The following SH3RF3 variants were observed in gnomAD, a reference collection of about 807,000 sequenced individuals.
The protein encoded by SH3RF3 is SH3 domain containing ring finger 3.
In SH3RF3, 29 loss-of-function variants were observed where a neutral mutation model predicts 66.3. The ratio of observed to expected loss-of-function variants is 0.44; its 90% CI spans 0.33 to 0.60. SH3RF3 has a LOEUF of 0.60. SH3RF3 is among the 20% of genes least tolerant of loss of function. SH3RF3 has a pLI of 0.04. For missense variants in SH3RF3, 1,194 were observed against 1,190.9 expected (o/e 1.00, Z -0.04); for synonymous variants, 583 against 532.0 (o/e 1.10, Z -1.32).
chr2:109,242,841 G>A (rs1679819392), intron 1 of SH3RF3, among the ~76,000 whole-genome samples: 1 of 152,168 alleles, frequency 6.6e-6, no homozygotes, highest in Non-Finnish European at 1.5e-5. Flanking sequence ...GAGCAATAGG[G>A]CCTTTTTCTT....
chr2:109,302,168 C>T (rs1005228545), intron 1 of SH3RF3, among the ~76,000 whole-genome samples: 5 of 152,220 alleles, frequency 3.3e-5, no homozygotes, highest in Non-Finnish European at 7.3e-5. Context: ...ATCTGCAAAG[C>T]TGGCGTTGGT....
intron 9 of SH3RF3, among the ~76,000 whole-genome samples, chr2:109,494,016 C>T (rs1328708815): frequency 6.6e-6 from 1 of 152,136 alleles, no homozygotes; most frequent in East Asian, 1.9e-4. Context: ...GGGTCCTGGC[C>T]CTTGTCTGGA....
intron 7 of SH3RF3, among the ~76,000 whole-genome samples, chr2:109,447,929 G>A (rs764752906): frequency 2.0e-5 from 3 of 152,176 alleles, no homozygotes; most frequent in Admixed American, 6.5e-5. Context: ...CCGGTGCTTC[G>A]ACATGCAGGC....
rs761242689 is a variant in SH3RF3, at chr2:109,419,656, T to C, written c.1403+14T>C. On this transcript the variant is annotated intron_variant, in intron 5 of 9. Transcript: ENST00000309415. ...GCCCCTCAACGTGTGAGCTGCCCTT[T>C]GTGTCTGTCGGGGTCCTGTGCCTGC... 4 of 1,560,382 alleles carry C rather than the reference T, an allele frequency of 2.6e-6. No individual in the cohort carries two copies. In the African/African-American group the frequency reaches 4.1e-5, roughly 16 times the overall value.
intron 4 of SH3RF3, among the ~76,000 whole-genome samples, chr2:109,405,331 G>A (rs939772172): frequency 6.6e-5 from 10 of 152,014 alleles, no homozygotes; most frequent in East Asian, 3.9e-4. Flanking sequence ...AACACTCTTC[G>A]TCTTCGCTAA....
At chr2:109,469,560 T>C (rs1678448711) in intron 8 of SH3RF3, among the ~76,000 whole-genome samples, 1 of 152,072 alleles carries the variant, frequency 6.6e-6, no homozygotes, top group South Asian at 2.1e-4. Flanking sequence ...TAACAGTTAA[T>C]GTGTCCTCTG....
intron 1 of SH3RF3, among the ~76,000 whole-genome samples, chr2:109,218,277 T>C (rs148987357): frequency 6.6e-6 from 1 of 152,342 alleles, no homozygotes; most frequent in Non-Finnish European, 1.5e-5. Flanking sequence ...TTTGAAACTT[T>C]CTTGGCTCTC....
chr2:109,403,813 T>C (rs1676378109), intron 4 of SH3RF3, among the ~76,000 whole-genome samples: 1 of 152,154 alleles, frequency 6.6e-6, no homozygotes, highest in Non-Finnish European at 1.5e-5. Flanking sequence ...ACCTGCAACC[T>C]TGGGTAAGCT....
At chr2:109,230,933 A>G (rs572664186) in intron 1 of SH3RF3, among the ~76,000 whole-genome samples, 5 of 152,356 alleles carry the variant, frequency 3.3e-5, no homozygotes, top group African/African-American at 1.2e-4. Flanking sequence ...TCAAACAGGA[A>G]GGCAGGATAG....
At chr2:109,182,201 T>A (rs1238781313) in intron 1 of SH3RF3, among the ~76,000 whole-genome samples, 1 of 150,970 alleles carries the variant, frequency 6.6e-6, no homozygotes, top group Non-Finnish European at 1.5e-5. Flanking sequence ...GACTCATGAT[T>A]TTGAAGGCTG....
chr2:109,154,342 G>C (rs373189781), intron 1 of SH3RF3, among the ~76,000 whole-genome samples: 2 of 152,172 alleles, frequency 1.3e-5, no homozygotes, highest in Non-Finnish European at 2.9e-5. Context: ...TATCATGGAG[G>C]GGGTGGTTTT....
intron 1 of SH3RF3, among the ~76,000 whole-genome samples, chr2:109,188,723 G>C (rs373855129): frequency 6.6e-6 from 1 of 152,150 alleles, no homozygotes; most frequent in Admixed American, 6.5e-5. Flanking sequence ...GGTGCTTGCC[G>C]TCAGTGTGTG....
At chr2:109,280,767 G>A (rs928632552) in intron 1 of SH3RF3, among the ~76,000 whole-genome samples, 4 of 152,216 alleles carry the variant, frequency 2.6e-5, no homozygotes, top group African/African-American at 9.6e-5. Flanking sequence ...TGAGCCTCGA[G>A]GGCGCTGCAG....
intron 1 of SH3RF3, among the ~76,000 whole-genome samples, chr2:109,186,409 C>G (rs7583181): frequency 6.6e-6 from 1 of 152,204 alleles, no homozygotes; most frequent in South Asian, 2.1e-4. Flanking sequence ...AGCCTCGATA[C>G]GAACCTGGGG....
At chr2:109,364,078 T>C (rs1337226442) in intron 2 of SH3RF3, among the ~76,000 whole-genome samples, 6 of 152,132 alleles carry the variant, frequency 3.9e-5, no homozygotes, top group African/African-American at 1.2e-4. Flanking sequence ...CTTCTCCTTC[T>C]AGTATTCCCA....
intron 1 of SH3RF3, among the ~76,000 whole-genome samples, chr2:109,252,737 T>A (rs1680125605): frequency 6.6e-6 from 1 of 152,236 alleles, no homozygotes; most frequent in South Asian, 2.1e-4. Flanking sequence ...GCTAATGTAA[T>A]CAGCCTACAG....
At chr2:109,264,356 T>G (rs1680435748) in intron 1 of SH3RF3, among the ~76,000 whole-genome samples, 1 of 151,412 alleles carries the variant, frequency 6.6e-6, no homozygotes, top group African/African-American at 2.4e-5. Flanking sequence ...ACTCCGAGTC[T>G]GTGGGTGCTC....
intron 1 of SH3RF3, among the ~76,000 whole-genome samples, chr2:109,154,225 T>C (rs1004632725): frequency 1.6e-4 from 24 of 152,364 alleles, no homozygotes; most frequent in Admixed American, 5.9e-4. Context: ...TGTGGTGCTT[T>C]CTGTCATTTC....
chr2:109,421,139 C>A (rs566994807), intron 5 of SH3RF3, among the ~76,000 whole-genome samples: 4 of 152,196 alleles, frequency 2.6e-5, no homozygotes, highest in African/African-American at 9.7e-5. Flanking sequence ...TGGGGCTGCT[C>A]TTCTTGAAGA....
Sources: allele counts gnomAD v4.1 joint callset (sites outside exome capture counted in the v4.1 genomes callset), GRCh38; gene constraint gnomAD v4.1.1; transcripts MANE v1.5; gene names NCBI Gene and HGNC (gene_info 2026-07-23, HGNC 2026-07-21).